The following STAC variants were observed in gnomAD, a reference collection of about 807,000 sequenced individuals.
STAC encodes the protein SH3 and cysteine rich domain.
STAC carries 43 observed loss-of-function variants against 48.8 expected under a neutral mutation model. The observed-to-expected ratio is 0.88, with a 90% confidence interval of 0.69 to 1.14. The LOEUF (loss-of-function observed/expected upper bound fraction) is 1.14, where lower values mean the gene tolerates loss of function less well. Among genes scored for constraint, STAC ranks in the 50% most tolerant of loss-of-function variants. STAC has a pLI of 0.00. For missense variants in STAC, 497 were observed against 504.0 expected (o/e 0.99, Z 0.13); for synonymous variants, 193 against 179.5 (o/e 1.07, Z -0.60).
intron 2 of STAC, among the ~76,000 whole-genome samples, chr3:36,459,559 C>T (rs1696946598): frequency 6.6e-6 from 1 of 152,214 alleles, no homozygotes; most frequent in Non-Finnish European, 1.5e-5. Context: ...ATTGCTCTAG[C>T]TTAACCATTG....
At chr3:36,417,493 G>A (rs114470560) in intron 1 of STAC, among the ~76,000 whole-genome samples, 187 of 152,116 alleles carry the variant, frequency 1.2e-3, no homozygotes, top group Non-Finnish European at 2.1e-3. Context: ...TTTGCTTTAC[G>A]GTTTACAGCC....
intron 1 of STAC, among the ~76,000 whole-genome samples, chr3:36,441,225 AAT>A (rs2125663639): frequency 6.6e-6 from 1 of 152,114 alleles, no homozygotes; most frequent in Non-Finnish European, 1.5e-5. Flanking sequence ...TTTAGTAAAA[AAT>A]CTCTCCCTAT....
chr3:36,475,473 C>A (rs1238301037), intron 2 of STAC, among the ~76,000 whole-genome samples: 1 of 152,168 alleles, frequency 6.6e-6, no homozygotes, highest in African/African-American at 2.4e-5. Context: ...CTACATGAAA[C>A]TATGGCTAAA....
intron 6 of STAC, among the ~76,000 whole-genome samples, chr3:36,500,083 C>T (rs1698246485): frequency 6.6e-6 from 1 of 152,062 alleles, no homozygotes; most frequent in African/African-American, 2.4e-5. Flanking sequence ...TTTAAGATGC[C>T]TCTCAGTTAT....
chr3:36,458,696 A>G (rs1479380082), intron 2 of STAC, among the ~76,000 whole-genome samples: 1 of 152,226 alleles, frequency 6.6e-6, no homozygotes, highest in Non-Finnish European at 1.5e-5. Context: ...TAATTGATTG[A>G]AAGTGCCTCA....
chr3:36,526,721 C>A lies in STAC; in HGVS notation c.921-1975C>A, dbSNP rs147796397. Among the ~76,000 whole-genome samples, 414 of 152,254 alleles carry A rather than the reference C, an allele frequency of 2.7e-3. 2 individuals are homozygous for A. Among genetic ancestry groups the A allele is most frequent in the African/African-American group, 9.5e-3 (393 of 41,542 alleles). The stretch of plus-strand genomic sequence containing the variant: ...GTTGAACTCCAGAATTAAGCCAACA[C>A]CTATACTCTAAAGAAAAAGAACCCA... On this transcript the variant is annotated intron_variant, in intron 8 of 10. Transcript: ENST00000273183.
At position 36,505,874 on chromosome 3, in the gene STAC, A is replaced by G. The variant is rs368709020; in HGVS notation, c.920+40A>G. Reference sequence around the variant, plus strand: ...TAAAGAAAAAAAAGAGTAAAATTTTAAAGTCAGTATTTCTCCATGTGAAAA... The same window carrying G: ...TAAAGAAAAAAAAGAGTAAAATTTTGAAGTCAGTATTTCTCCATGTGAAAA... On this transcript the variant is annotated intron_variant, in intron 8 of 10. Transcript: ENST00000273183. 7.8e-6 allele frequency: 11 copies of G among 1,409,470 alleles called. No homozygotes were observed. The East Asian group carries it at 9.2e-5, about 12-fold the overall frequency. The allele number at this position is 1,409,470 out of a possible 1,614,324, so 87.3% of individuals were successfully genotyped here. A position where few individuals can be genotyped will look rare whatever the true frequency, so the allele number is the denominator to read the frequency against.
chr3:36,453,945 G>A (rs919759811), intron 2 of STAC, among the ~76,000 whole-genome samples: 1 of 152,094 alleles, frequency 6.6e-6, no homozygotes, highest in Non-Finnish European at 1.5e-5. Context: ...TGGGGACTTG[G>A]AGAACCTTTG....
At chr3:36,439,648 T>C (rs760792960) in intron 1 of STAC, among the ~76,000 whole-genome samples, 2 of 152,196 alleles carry the variant, frequency 1.3e-5, no homozygotes, top group Non-Finnish European at 2.9e-5. Context: ...TCTTACCTCC[T>C]GTGTAAGCCT....
At chr3:36,403,228 GA>G (rs1700031358) in intron 1 of STAC, among the ~76,000 whole-genome samples, 1 of 151,990 alleles carries the variant, frequency 6.6e-6, no homozygotes, top group African/African-American at 2.4e-5. Flanking sequence ...TGCAAGGCCT[GA>G]AAAATAGAAT....
intron 2 of STAC, among the ~76,000 whole-genome samples, chr3:36,472,707 C>T (rs1697374866): frequency 6.6e-6 from 1 of 152,214 alleles, no homozygotes; most frequent in Non-Finnish European, 1.5e-5. Context: ...GTCACCTTTG[C>T]TCCAGTTCCC....
intron 6 of STAC, among the ~76,000 whole-genome samples, chr3:36,499,826 A>C (rs1315523532): frequency 6.6e-6 from 1 of 152,100 alleles, no homozygotes; most frequent in African/African-American, 2.4e-5. Flanking sequence ...AACTTTTCAG[A>C]CATAGAAACC....
chr3:36,519,632 A>G (rs1266274598), intron 8 of STAC, among the ~76,000 whole-genome samples: 1 of 152,240 alleles, frequency 6.6e-6, no homozygotes, highest in African/African-American at 2.4e-5. Flanking sequence ...TGCTAAGACC[A>G]GGAAGTTTGT....
At chr3:36,480,292 C>T (rs796724687) in intron 2 of STAC, among the ~76,000 whole-genome samples, 2 of 152,162 alleles carry the variant, frequency 1.3e-5, no homozygotes, top group South Asian at 4.1e-4. Flanking sequence ...GGAAAAGGGA[C>T]TTTTCAATGA....
At position 36,398,320 on chromosome 3, in the gene STAC, C is replaced by CAAGAAAGCAAGA. The variant is rs1208055608; in HGVS notation, c.111+17573_111+17574insCAAGAAAGAAAG. ...AAAAGAAAGAAAGAAAGAAAGAAAG[C>CAAGAAAGCAAGA]AAGAAAGAAAGAAAGAAAGAAAGAA... On this transcript the variant is annotated intron_variant, in intron 1 of 10. Transcript: ENST00000273183. Among the ~76,000 whole-genome samples the CAAGAAAGCAAGA allele has an allele frequency of 8.1e-3, 667 of 82,204 alleles. 4 individuals carry two copies. The highest frequency in any genetic ancestry group is 0.011 in the Non-Finnish European group (441 of 39,366). The allele number at this position is 82,204 out of a possible 152,430, so 53.9% of individuals were successfully genotyped here.
rs1433297023 is a variant in STAC at position 36,546,390 on chromosome 3, C to A, written c.*101C>A. 1.0e-6 allele frequency: 1 copy of A among 981,940 alleles called. No homozygotes were observed. Among genetic ancestry groups the A allele is most frequent in the Non-Finnish European group, 1.6e-6 (1 of 624,324 alleles). The allele number at this position is 981,940 out of a possible 1,614,324, so 60.8% of individuals were successfully genotyped here. ...CAAAGGAGCTGCCGCACTGACCCAG[C>A]CCCCCAGGAAACAGTGAGACAAGAA... On this transcript the variant is annotated 3_prime_UTR_variant, in exon 11 of 11. Transcript: ENST00000273183.
At chr3:36,463,445 C>T (rs933036342) in intron 2 of STAC, among the ~76,000 whole-genome samples, 3 of 151,914 alleles carry the variant, frequency 2.0e-5, no homozygotes, top group Admixed American at 2.0e-4. Context: ...ACACAAGAAG[C>T]ATACGTCTGT....
At chr3:36,436,258 G>C (rs547080870) in intron 1 of STAC, among the ~76,000 whole-genome samples, 2 of 152,210 alleles carry the variant, frequency 1.3e-5, no homozygotes, top group East Asian at 1.9e-4. Flanking sequence ...CAGGATTATC[G>C]CAAGAGTCTC....
intron 1 of STAC, among the ~76,000 whole-genome samples, chr3:36,388,038 G>T (rs1047531207): frequency 6.6e-6 from 1 of 152,034 alleles, no homozygotes; most frequent in African/African-American, 2.4e-5. Flanking sequence ...GTACAAGATG[G>T]TATCTCATGT....
Sources: gnomAD v4.1 joint callset for allele counts (sites outside exome capture counted in the v4.1 genomes callset) on GRCh38, gnomAD v4.1.1 for gene constraint, MANE v1.5 for transcripts, NCBI Gene and HGNC (gene_info 2026-07-23, HGNC 2026-07-21) for gene names.